The following STIP1 variants were observed in gnomAD, a reference collection of about 807,000 sequenced individuals.
The protein encoded by STIP1 is stress induced phosphoprotein 1, also known as stress-induced-phosphoprotein 1.
A neutral mutation model predicts 77.4 loss-of-function variants in STIP1; 16 were observed. That is an observed-to-expected ratio of 0.21 (90% CI 0.14 to 0.31). The LOEUF (loss-of-function observed/expected upper bound fraction) is 0.31, where lower values mean the gene tolerates loss of function less well. Among genes scored for constraint, STIP1 ranks in the 10% least tolerant of loss-of-function variants. The pLI, the probability that STIP1 is intolerant of heterozygous loss-of-function variation, is 1.00. For synonymous variants in STIP1, 258 were observed against 246.6 expected (o/e 1.05, Z -0.44); for missense variants, 524 against 684.8 (o/e 0.77, Z 2.62).
intron 13 of STIP1, 197 bp downstream of exon 13, chr11:64,203,819 A>G (rs1946249458): frequency 1.3e-6 from 1 of 793,600 alleles, no homozygotes; most frequent in African/African-American, 1.7e-5. Context: ...AGTCATTTGG[A>G]AAGGCCCATT....
chr11:64,185,831 T>C (rs1292460601), upstream of STIP1: 46 of 1,535,694 alleles, frequency 3.0e-5, no homozygotes, highest in Non-Finnish European at 3.7e-5. Flanking sequence ...CGACATGGAG[T>C]CCGGCAGCCC....
chr11:64,195,637 A>G lies in STIP1; in HGVS notation c.504-8A>G. 6.3e-7 allele frequency: 1 copy of G among 1,580,114 alleles called. No homozygotes were observed. Among genetic ancestry groups the G allele is most frequent in the Non-Finnish European group, 8.6e-7 (1 of 1,167,390 alleles). ...CAATTTTTCTTTATTTTTTTAAATC[A>G]ATACTAGGAAACTACAAGATCCCCG... On this transcript the variant is annotated splice_polypyrimidine_tract_variant and splice_region_variant and intron_variant, in intron 4 of 13. Coordinates refer to ENST00000305218, the MANE Select transcript of STIP1 (RefSeq NM_006819.3).
intron 10 of STIP1, 133 bp downstream of exon 10, chr11:64,200,426 C>T: frequency 1.4e-6 from 2 of 1,416,904 alleles, no homozygotes; most frequent in Non-Finnish European, 1.9e-6. Context: ...TGTCCTGCCT[C>T]AGCCTCCTGA....
chr11:64,194,698 T>G, intron 4 of STIP1, 78 bp downstream of exon 4: 1 of 1,543,872 alleles, frequency 6.5e-7, no homozygotes, highest in Non-Finnish European at 8.8e-7. Flanking sequence ...CAGCAGAGGG[T>G]TCCCTGGTCT....
At chr11:64,194,783 A>G (rs1044550225) in intron 4 of STIP1, among the ~76,000 whole-genome samples, 163 bp downstream of exon 4, 1 of 152,174 alleles carries the variant, frequency 6.6e-6, no homozygotes, top group East Asian at 1.9e-4. Context: ...AATTATAGAA[A>G]GGGTCAGGGG....
At chr11:64,189,037 A>T (rs1254722861) in intron 1 of STIP1, among the ~76,000 whole-genome samples, 1 of 152,208 alleles carries the variant, frequency 6.6e-6, no homozygotes, top group African/African-American at 2.4e-5. Context: ...CAGCATGGTG[A>T]AACCCCGTCT....
intron 10 of STIP1, among the ~76,000 whole-genome samples, chr11:64,202,072 G>A (rs549544040): frequency 7.2e-4 from 109 of 152,310 alleles, no homozygotes; most frequent in African/African-American, 2.6e-3. Flanking sequence ...TCTTGTGCAC[G>A]CATTGCCTGA....
intron 2 of STIP1, 113 bp downstream of exon 2, chr11:64,193,400 T>C (rs1402059784): frequency 3.4e-6 from 3 of 886,066 alleles, no homozygotes; most frequent in Non-Finnish European, 3.6e-6. Flanking sequence ...CCCACCTCCC[T>C]GTTTGAGTAT....
chr11:64,186,301 A>G, intron 1 of STIP1, 31 bp downstream of exon 1: 1 of 1,099,932 alleles, frequency 9.1e-7, no homozygotes, highest in East Asian at 6.7e-5. Flanking sequence ...TGAGGCCCCG[A>G]GCCTGCTCGG....
At chr11:64,191,019 C>G (rs1946086546) in intron 1 of STIP1, among the ~76,000 whole-genome samples, 1 of 151,868 alleles carries the variant, frequency 6.6e-6, no homozygotes, top group Non-Finnish European at 1.5e-5. Flanking sequence ...GAAACCCCGT[C>G]TCTACTAAAA....
At chr11:64,198,085 G>A in intron 8 of STIP1, 111 bp downstream of exon 8, 1 of 1,390,606 alleles carries the variant, frequency 7.2e-7, no homozygotes, top group South Asian at 1.5e-5. Context: ...TTGAGATAGG[G>A]TCTCACTCTT....
At chr11:64,192,161 A>G (rs1946100124) in intron 1 of STIP1, among the ~76,000 whole-genome samples, 1 of 152,136 alleles carries the variant, frequency 6.6e-6, no homozygotes, top group African/African-American at 2.4e-5. Context: ...TAAAATTACA[A>G]AAATTAGCCA....
chr11:64,185,815 C>G, upstream of STIP1: 1 of 1,535,806 alleles, frequency 6.5e-7, no homozygotes, highest in Non-Finnish European at 8.7e-7. Flanking sequence ...ATTCTGAAGG[C>G]GGTTCCGACA....
At chr11:64,192,940 T>C (rs1217125280) in intron 1 of STIP1, 138 bp from the exon 2 acceptor site, 2 of 832,170 alleles carry the variant, frequency 2.4e-6, no homozygotes, top group Non-Finnish European at 3.7e-6. Context: ...ATTAAATAAA[T>C]GAACCGGTTT....
At chr11:64,200,590 CGTGT>C (rs35484605) in intron 10 of STIP1, among the ~76,000 whole-genome samples, 24,918 of 141,010 alleles carry the variant, frequency 0.18, 2,585 homozygotes, top group Admixed American at 0.34. Context: ...TCTAACTGGT[CGTGT>C]GTGTGTGTGT....
chr11:64,187,212 A>G (rs1946032948), intron 1 of STIP1, among the ~76,000 whole-genome samples: 1 of 152,242 alleles, frequency 6.6e-6, no homozygotes, highest in African/African-American at 2.4e-5. Flanking sequence ...CGGTTATGAA[A>G]GGCCTAGAGG....
At chr11:64,194,750 G>A in intron 4 of STIP1, 130 bp downstream of exon 4, 1 of 1,142,592 alleles carries the variant, frequency 8.8e-7, no homozygotes, top group Non-Finnish European at 1.2e-6. Flanking sequence ...CTGCAGAGCA[G>A]TAGGTGGTGG....
At chr11:64,200,518 C>G (rs902150241) in intron 10 of STIP1, among the ~76,000 whole-genome samples, 1 of 151,248 alleles carries the variant, frequency 6.6e-6, no homozygotes, top group African/African-American at 2.4e-5. Flanking sequence ...TGCTGTGTTG[C>G]CCAGATTTAT....
At chr11:64,196,414 A>G (rs1032521916) in intron 5 of STIP1, among the ~76,000 whole-genome samples, 4 of 149,796 alleles carry the variant, frequency 2.7e-5, no homozygotes, top group African/African-American at 9.8e-5. Context: ...AAAAAAAAAA[A>G]GCTTCACAAG....
Sources: allele counts gnomAD v4.1 joint callset (sites outside exome capture counted in the v4.1 genomes callset), GRCh38; gene constraint gnomAD v4.1.1; transcripts MANE v1.5; gene names NCBI Gene and HGNC (gene_info 2026-07-23, HGNC 2026-07-21).